The following SLC16A6 variants were observed in gnomAD, a reference collection of about 807,000 sequenced individuals.
SLC16A6 encodes solute carrier family 16 member 6.
Under a neutral mutation model 33.8 loss-of-function variants are expected in SLC16A6, and 15 were observed. That is an observed-to-expected ratio of 0.44 (90% CI 0.30 to 0.68). The LOEUF (loss-of-function observed/expected upper bound fraction) is 0.68. Ranked by LOEUF, SLC16A6 falls within the 30% of genes least tolerant of loss-of-function variation. The pLI is 0.10. For synonymous variants in SLC16A6, 219 were observed against 248.4 expected, an observed-to-expected ratio of 0.88 and a Z score of 1.11; for missense variants, 451 against 661.5, an observed-to-expected ratio of 0.68 and a Z score of 3.49.
chr17:68,280,805 CAG>C (rs1434924977), intron 1 of SLC16A6, among the ~76,000 whole-genome samples: 1 of 152,112 alleles, frequency 6.6e-6, no homozygotes, highest in African/African-American at 2.4e-5. Context: ...TTAAGCTAAA[CAG>C]ATTCTGCGCA....
Position 68,278,177 on chromosome 17 carries a change from G to A in SLC16A6, c.144C>T (p.Phe48=). 1 of 1,614,062 alleles carries A rather than the reference G, an allele frequency of 6.2e-7. No individual in the cohort carries two copies. The highest frequency in any genetic ancestry group is 8.5e-7 in the Non-Finnish European group (1 of 1,179,898). The change falls in exon 2 of 6, where the codon TTC becomes TTT. Residue 48 remains phenylalanine, a synonymous_variant. Coordinates refer to ENST00000580666, the MANE Select transcript of SLC16A6 (RefSeq NM_004694.5). ...TAAAACTGTCCATTAAGTCATTAAA[G>A]AAGACACCAAATGTCTTGATGATGC... ...TYGIIKTFGV[F]FNDLMDSFNE...
chr17:68,275,879 A>AG (rs1414462780), intron 2 of SLC16A6, among the ~76,000 whole-genome samples: 2 of 151,570 alleles, frequency 1.3e-5, no homozygotes, highest in African/African-American at 4.8e-5. Context: ...GCTACTCGGG[A>AG]GGCTAAGGCA....
chr17:68,273,805 G>A lies in SLC16A6; in HGVS notation c.376+122C>T, dbSNP rs1277501594. On this transcript the variant is annotated intron_variant, in intron 3 of 5. Coordinates refer to ENST00000580666, the MANE Select transcript of SLC16A6 (RefSeq NM_004694.5). The stretch of plus-strand genomic sequence containing the variant: ...TTCAAAACTACTGATCTGAGACACT[G>A]TTAATGTTAAAGAAAAAAAGAAAGA... The A allele has an allele frequency of 3.3e-6, 4 of 1,212,504 alleles. No individual in the cohort carries two copies. The African/African-American group carries it at 6.1e-5, about 18-fold the overall frequency. The allele number at this position is 1,212,504 out of a possible 1,614,324, so 75.1% of individuals were successfully genotyped here. A position where few individuals can be genotyped will look rare whatever the true frequency, so the allele number is the denominator to read the frequency against.
chr17:68,287,663 A>G (rs1291914038), intron 1 of SLC16A6, among the ~76,000 whole-genome samples: 1 of 152,102 alleles, frequency 6.6e-6, no homozygotes, highest in Non-Finnish European at 1.5e-5. Context: ...GAAAGATGAC[A>G]CCCTGAACCC....
chr17:68,271,223 A>G lies in SLC16A6; in HGVS notation c.937T>C (p.Leu313=), dbSNP rs782205324. The stretch of plus-strand genomic sequence containing the variant: ...CTAATGCCCAGAGGAATGATGTACA[A>G]GGAAGGTGCAAAGAATCCCAGTGTT... ...FATLGFFAPS[L]YIIPLGISLG... The change falls in exon 5 of 6, where the codon TTG becomes CTG. Residue 313 remains leucine (L), a synonymous_variant. Coordinates refer to ENST00000580666, the MANE Select transcript of SLC16A6 (RefSeq NM_004694.5). The surrounding 1 kb of genome is among the most constrained non-coding windows in gnomAD (Gnocchi z 5.3). The G allele has an allele frequency of 1.2e-6, 2 of 1,614,122 alleles. No homozygotes were observed. The highest frequency in any genetic ancestry group is 1.7e-6 in the Non-Finnish European group (2 of 1,180,042).
intron 1 of SLC16A6, among the ~76,000 whole-genome samples, chr17:68,285,957 C>T (rs1390670292): frequency 2.0e-5 from 3 of 152,106 alleles, no homozygotes; most frequent in Non-Finnish European, 2.9e-5. Context: ...GACAGGGTTT[C>T]ACCATGTTGG....
chr17:68,277,440 T>C (rs782302057), intron 2 of SLC16A6, among the ~76,000 whole-genome samples: 1 of 150,412 alleles, frequency 6.6e-6, no homozygotes, highest in Non-Finnish European at 1.5e-5. Flanking sequence ...GCAACTTTTT[T>C]CTTTTTTGAG....
At chr17:68,283,522 G>GAAA (rs368039909) in intron 1 of SLC16A6, among the ~76,000 whole-genome samples, 3 of 112,194 alleles carry the variant, frequency 2.7e-5, no homozygotes, top group Non-Finnish European at 3.7e-5. Context: ...CTCCGTATCA[G>GAAA]AAAAAAAAAA....
intron 1 of SLC16A6, among the ~76,000 whole-genome samples, chr17:68,284,057 C>G (rs1331636714): frequency 6.8e-6 from 1 of 148,018 alleles, no homozygotes; most frequent in Non-Finnish European, 1.5e-5. Context: ...CACCACTGCA[C>G]TCCAGCCTAG....
At chr17:68,283,670 G>A (rs114292717) in intron 1 of SLC16A6, among the ~76,000 whole-genome samples, 2,146 of 151,572 alleles carry the variant, frequency 0.014, 48 homozygotes, top group African/African-American at 0.05. Context: ...ACAAACTACA[G>A]AAATGATCCC....
intron 5 of SLC16A6, among the ~76,000 whole-genome samples, chr17:68,270,616 G>A (rs769851573): frequency 8.6e-5 from 13 of 150,766 alleles, no homozygotes; most frequent in Non-Finnish European, 1.2e-4. Context: ...GTCCTGAATC[G>A]ACCACTAATT....
Position 68,271,920 on chromosome 17 carries a change from A to G in SLC16A6, c.506-266T>C, listed in dbSNP as rs2075353800. Among the ~76,000 whole-genome samples, 1 of 152,186 alleles carries G rather than the reference A, an allele frequency of 6.6e-6. No homozygotes were observed. The highest frequency in any genetic ancestry group is 1.5e-5 in the Non-Finnish European group (1 of 68,034). On this transcript the variant is annotated intron_variant, in intron 4 of 5. Transcript: ENST00000580666. This position sits in a 1 kb window ranked among gnomAD's most constrained non-coding sequence, Gnocchi z 5.3. ...CGGGTTCAAGCGATTCTCCTGCCTC[A>G]GCCTCCTGAGTAGCTGGGACTATAG...
chr17:68,288,425 A>G (rs1297717740), intron 1 of SLC16A6, among the ~76,000 whole-genome samples: 1 of 152,078 alleles, frequency 6.6e-6, no homozygotes, highest in African/African-American at 2.4e-5. Context: ...CAGAATATAA[A>G]AGTTTATCTG....
At position 68,289,171 on chromosome 17, in the gene SLC16A6, CT is replaced by C. The variant is rs564721357; in HGVS notation, c.-8+1914del. 1.2e-4 allele frequency among the ~76,000 whole-genome samples: 19 copies of C among 152,220 alleles called. 1 individual carries two copies. In the South Asian group the frequency reaches 3.7e-3, roughly 30 times the overall value. On this transcript the variant is annotated intron_variant, in intron 1 of 5. Transcript: ENST00000580666. The stretch of plus-strand genomic sequence containing the variant: ...GACCAACCCGGGCAACATAGTGAGG[CT>C]GTGTCTCTACAAAAAAATTAAAAAA...
intron 1 of SLC16A6, among the ~76,000 whole-genome samples, chr17:68,287,129 A>G (rs967993098): frequency 1.3e-5 from 2 of 152,128 alleles, no homozygotes; most frequent in Admixed American, 1.3e-4. Context: ...GATTACAGGC[A>G]TGCGCCACCA....
rs2075321938 is a variant in SLC16A6, at chr17:68,271,020, A to C, written c.1140T>G (p.Thr380=). Residue 380 remains threonine (T), a synonymous_variant, in exon 5 of 6, where the codon ACT becomes ACG. Transcript: ENST00000580666. The surrounding 1 kb of genome is among the most constrained non-coding windows in gnomAD (Gnocchi z 5.3). ...TGCATGACATTAGACCCCAGAATTC[A>C]GTAGCAAAAGTAAAGGCAAACAGAG... ...TVSLFAFTFA[T]EFWGLMSCSI... is the part of the protein sequence containing the mutation. 1.9e-6 allele frequency: 3 copies of C among 1,614,100 alleles called. No individual in the cohort carries two copies. The African/African-American group carries it at 4.0e-5, about 22-fold the overall frequency.
intron 1 of SLC16A6, among the ~76,000 whole-genome samples, chr17:68,282,394 C>T (rs1555753098): frequency 6.6e-6 from 1 of 151,820 alleles, no homozygotes; most frequent in Non-Finnish European, 1.5e-5. Context: ...GGAGATATAC[C>T]TAATGTTAAA....
At chr17:68,273,291 C>G (rs547381095) in intron 3 of SLC16A6, among the ~76,000 whole-genome samples, 98 of 151,966 alleles carry the variant, frequency 6.4e-4, no homozygotes, top group Non-Finnish European at 1.3e-3. Flanking sequence ...TCACTGGAGC[C>G]TTGACCTCCC....
chr17:68,288,310 CT>C (rs1599570247), intron 1 of SLC16A6, among the ~76,000 whole-genome samples: 1 of 152,084 alleles, frequency 6.6e-6, no homozygotes, highest in African/African-American at 2.4e-5. Context: ...TTCTCCTTTT[CT>C]TTTTTTCCAT....
Sources: gnomAD v4.1 joint callset for allele counts (sites outside exome capture counted in the v4.1 genomes callset) on GRCh38, gnomAD v4.1.1 for gene constraint, Gnocchi (gnomAD v3.1) non-coding constraint, MANE v1.5 for transcripts, NCBI Gene and HGNC (gene_info 2026-07-23, HGNC 2026-07-21) for gene names.